Variants in MED14 observed in about 807,000 individuals in gnomAD.
The protein encoded by MED14 is mediator of RNA polymerase II transcription subunit 14.
Under a neutral mutation model 109.0 loss-of-function variants are expected in MED14, and 8 were observed. The ratio of observed to expected loss-of-function variants is 0.07; its 90% confidence interval spans 0.04 to 0.13. The LOEUF (loss-of-function observed/expected upper bound fraction) is 0.13, where lower values mean the gene tolerates loss of function less well. Ranked by LOEUF, MED14 falls within the 10% of genes least tolerant of loss-of-function variation. MED14 has a pLI of 1.00. For synonymous variants in MED14, 399 were observed against 408.7 expected, an observed-to-expected ratio of 0.98 and a Z score of 0.29; for missense variants, 711 against 1,142.4, an observed-to-expected ratio of 0.62 and a Z score of 5.44.
rs142186667 is a variant in MED14 at position 40,714,672 on chromosome X, A to G, written c.387T>C (p.Phe129=). The change falls in exon 4 of 31, where the codon TTT becomes TTC. Residue 129 remains phenylalanine (F), a synonymous_variant. Transcript: ENST00000324817. Reference sequence around the variant, plus strand: ...AGGCCAGGCGATCAGCAGTGTCCACAAACAGGATGGCTTGCTGATCTAAAA... The same window carrying G: ...AGGCCAGGCGATCAGCAGTGTCCACGAACAGGATGGCTTGCTGATCTAAAA... The part of the protein sequence containing the change: ...SSFLDQQAIL[F]VDTADRLASL... 1,941 of 1,209,880 alleles carry G rather than the reference A, an allele frequency of 1.6e-3. 24 individuals are homozygous for G. The African/African-American group carries it at 0.03, about 19-fold the overall frequency.
intron 23 of MED14, among the ~76,000 whole-genome samples, chrX:40,668,862 T>C (rs1298874123): frequency 8.9e-6 from 1 of 112,267 alleles, no homozygotes; most frequent in Non-Finnish European, 1.9e-5. Context: ...AATATCTTAT[T>C]GTACTATACT....
In MED14 at chrX:40,709,467, A is replaced by G. The variant is rs1201268770; in HGVS notation, c.1174-8T>C. 3.2e-6 allele frequency: 3 copies of G among 942,583 alleles called. No individual in the cohort carries two copies. Among genetic ancestry groups the G allele is most frequent in the Non-Finnish European group, 4.4e-6 (3 of 685,432 alleles). The allele number at this position is 942,583 out of a possible 1,213,427, so 77.7% of individuals were successfully genotyped here. A position where few individuals can be genotyped will look rare whatever the true frequency, so the allele number is the denominator to read the frequency against. On this transcript the variant is annotated splice_polypyrimidine_tract_variant and splice_region_variant and intron_variant, in intron 9 of 30. Transcript: ENST00000324817. ...TATTGATAAGTGGTCGATCTGCATA[A>G]ATAAGAACAACAAATTCAAATGTGC... is the stretch of plus-strand genomic sequence containing the variant.
intron 1 of MED14, 127 bp downstream of exon 1, chrX:40,735,071 A>T: frequency 2.2e-6 from 1 of 455,479 alleles, no homozygotes; most frequent in Non-Finnish European, 3.4e-6. Flanking sequence ...CCAGGAGTTC[A>T]AAAATTCTAG....
intron 16 of MED14, among the ~76,000 whole-genome samples, chrX:40,687,607 G>A (rs1018965702): frequency 6.3e-5 from 7 of 110,965 alleles, no homozygotes; most frequent in African/African-American, 2.3e-4. Context: ...CTGCCATGCC[G>A]AACTCCTTTC....
chrX:40,665,955 G>T (rs907903670), intron 24 of MED14, among the ~76,000 whole-genome samples: 2 of 112,158 alleles, frequency 1.8e-5, no homozygotes, highest in East Asian at 5.5e-4. Context: ...TACACCATAT[G>T]GTATGATGAT....
Position 40,697,096 on chromosome X carries a change from T to A in MED14, c.1578A>T (p.Ser526=). The A allele has an allele frequency of 8.4e-7, 1 of 1,189,538 alleles. No homozygotes were observed. Residue 526 remains serine, a synonymous_variant, in exon 13 of 31, where the codon TCA becomes TCT. Transcript: ENST00000324817. ...SSETLQLSNY[S]THPIGNLSKN... Reference sequence around the variant, plus strand: ...TAGAAAGGTTTCCAATAGGATGAGTTGAGTAATTGGAAAGCTGCAATGTTT... The same window carrying A: ...TAGAAAGGTTTCCAATAGGATGAGTAGAGTAATTGGAAAGCTGCAATGTTT...
intron 25 of MED14, 68 bp from the exon 26 acceptor site, chrX:40,663,228 T>C: frequency 1.2e-6 from 1 of 853,668 alleles, no homozygotes; most frequent in Non-Finnish European, 1.7e-6. Context: ...CTGTTTTGCT[T>C]TCATCATAAA....
At chrX:40,657,671 AG>A in intron 28 of MED14, among the ~76,000 whole-genome samples, 1 of 112,212 alleles carries the variant, frequency 8.9e-6, no homozygotes, top group East Asian at 2.8e-4. Context: ...TGAGCTATGC[AG>A]AAACTAAGGG....
Position 40,679,972 on chromosome X carries a change from A to G in MED14, c.2772T>C (p.Ile924=). 8.3e-7 allele frequency: 1 copy of G among 1,210,188 alleles called. No individual in the cohort carries two copies. Among genetic ancestry groups the G allele is most frequent in the Non-Finnish European group, 1.1e-6 (1 of 894,190 alleles). ...CACCTCGACTCCGGCAGTATATATC[A>G]ATGCAATACATGTTCCTGAAGGCCA... is the stretch of plus-strand genomic sequence containing the variant. ...IRLAFRNMYC[I]DIYCRSRGVV... The change falls in exon 21 of 31, where the codon ATT becomes ATC. Residue 924 remains isoleucine (I), a synonymous_variant. Coordinates refer to ENST00000324817, the MANE Select transcript of MED14 (RefSeq NM_004229.4).
Position 40,650,396 on chromosome X carries a change from G to T in MED14, c.*1410C>A. On this transcript the variant is annotated 3_prime_UTR_variant, in exon 31 of 31. Transcript: ENST00000324817. Reference sequence around the variant, plus strand: ...TGAAACTAGAATTTGATAGTTGATAGTTATAGAAGCTCAATTAAATCATCT... The same window carrying T: ...TGAAACTAGAATTTGATAGTTGATATTTATAGAAGCTCAATTAAATCATCT... 1 of 751,980 alleles carries T rather than the reference G, an allele frequency of 1.3e-6. No individual in the cohort carries two copies. Among genetic ancestry groups the T allele is most frequent in the South Asian group, 6.8e-5 (1 of 14,814 alleles). The allele number at this position is 751,980 out of a possible 1,213,427, so 62.0% of individuals were successfully genotyped here.
At position 40,664,297 on chromosome X, in the gene MED14, T is replaced by A; in HGVS notation, c.3448+10A>T. 8.4e-7 allele frequency: 1 copy of A among 1,191,046 alleles called. No individual in the cohort carries two copies. The highest frequency in any genetic ancestry group is 3.0e-5 in the East Asian group (1 of 32,868). On this transcript the variant is annotated intron_variant, in intron 25 of 30. Coordinates refer to ENST00000324817, the MANE Select transcript of MED14 (RefSeq NM_004229.4). ...CTAAAAAAGAACATAAAAATGTTGA[T>A]GATACTTACTTGTTCCAGCTCGAGG...
intron 6 of MED14, 63 bp from the exon 7 acceptor site, chrX:40,712,356 C>A: frequency 1.4e-6 from 1 of 730,294 alleles, no homozygotes; most frequent in Non-Finnish European, 2.0e-6. Flanking sequence ...GTCACTATAC[C>A]AACTAAGGAA....
intron 15 of MED14, among the ~76,000 whole-genome samples, chrX:40,689,621 G>A (rs1930421906): frequency 9.1e-6 from 1 of 109,554 alleles, no homozygotes; most frequent in South Asian, 3.9e-4. Context: ...AATCAGGGAG[G>A]TGGAGGTTGC....
rs755780464 is a variant in MED14 at position 40,663,070 on chromosome X, C to T, written c.3539G>A (p.Ser1180Asn). The part of the protein sequence containing the change: ...AASIPTILTH[S>N]ALNILLLPSP... ...GGGCAGCAGTAAAATGTTCAAGGCA[C>T]TGTGAGTGAGGATGGTAGGTATGGA... The change falls in exon 26 of 31, where the codon AGT becomes AAT. Residue 1180 changes from serine to asparagine, a missense_variant. Coordinates refer to ENST00000324817, the MANE Select transcript of MED14 (RefSeq NM_004229.4). 2.5e-6 allele frequency: 3 copies of T among 1,211,791 alleles called. No homozygotes were observed. The highest frequency in any genetic ancestry group is 5.9e-5 in the East Asian group (2 of 33,857).
At position 40,682,745 on chromosome X, in the gene MED14, T is replaced by C. The variant is rs1930165498; in HGVS notation, c.2223A>G (p.Pro741=). Residue 741 remains proline (P), a synonymous_variant, in exon 18 of 31, where the codon CCA becomes CCG. Coordinates refer to ENST00000324817, the MANE Select transcript of MED14 (RefSeq NM_004229.4). ...CATATGTCAGGTAAACGTGCCGGGA[T>C]GGTCCTACAGGATTAAAAGAGAATA... ...LNGTSTREQG[P]SRHVYLTYEN... 8.3e-7 allele frequency: 1 copy of C among 1,208,322 alleles called. No homozygotes were observed. Among genetic ancestry groups the C allele is most frequent in the Non-Finnish European group, 1.1e-6 (1 of 893,107 alleles).
upstream of MED14, chrX:40,735,869 C>A: frequency 3.6e-6 from 1 of 278,707 alleles, no homozygotes; most frequent in Non-Finnish European, 6.9e-6. Flanking sequence ...TGTGAGCGCG[C>A]GGGAGAGCGG....
Position 40,651,710 on chromosome X carries a change from A to C in MED14, c.*96T>G. The C allele has an allele frequency of 9.2e-7, 1 of 1,082,870 alleles. No homozygotes were observed. Among genetic ancestry groups the C allele is most frequent in the Non-Finnish European group, 1.2e-6 (1 of 835,028 alleles). The allele number at this position is 1,082,870 out of a possible 1,213,427, so 89.2% of individuals were successfully genotyped here. On this transcript the variant is annotated 3_prime_UTR_variant, in exon 31 of 31. Coordinates refer to ENST00000324817, the MANE Select transcript of MED14 (RefSeq NM_004229.4). Reference sequence around the variant, plus strand: ...TAGAATATTTAGCTCTTAAAGTTTAAAAAAAAAGTCCTTTTCCTTTTTTAA... The same window carrying C: ...TAGAATATTTAGCTCTTAAAGTTTACAAAAAAAGTCCTTTTCCTTTTTTAA...
intron 26 of MED14, among the ~76,000 whole-genome samples, chrX:40,662,260 TCA>T (rs1045705101): frequency 9.0e-5 from 10 of 111,526 alleles, no homozygotes; most frequent in African/African-American, 3.3e-4. Context: ...AGACAGGGTC[TCA>T]CTCGATCACC....
chrX:40,705,976 C>T (rs1321067994), intron 10 of MED14, among the ~76,000 whole-genome samples: 1 of 111,220 alleles, frequency 9.0e-6, no homozygotes, highest in African/African-American at 3.3e-5. Context: ...CCATTTCTAC[C>T]CCCACGAAAC....
Sources: gnomAD v4.1 joint callset for allele counts (sites outside exome capture counted in the v4.1 genomes callset) on GRCh38, gnomAD v4.1.1 for gene constraint, MANE v1.5 for transcripts, NCBI Gene and HGNC (gene_info 2026-07-23, HGNC 2026-07-21) for gene names.